Variants in TENM3 observed in about 807,000 individuals in gnomAD.
The protein encoded by TENM3 is teneurin-3.
A neutral mutation model predicts 255.1 loss-of-function variants in TENM3; 63 were observed. The observed-to-expected ratio is 0.25, with a 90% CI of 0.20 to 0.30. The LOEUF is 0.30. Among genes scored for constraint, TENM3 ranks in the 10% least tolerant of loss-of-function variants. The probability of loss-of-function intolerance (pLI) is 1.00; values close to 1 mark genes in which losing one functional copy is unlikely to be tolerated. For missense variants in TENM3, 2,929 were observed against 3,461.1 expected (o/e 0.85, Z 3.86); for synonymous variants, 1,306 against 1,322.3 (o/e 0.99, Z 0.27).
chr4:181,633,802 G>T, the TENM3 span, among the ~76,000 whole-genome samples: 2 of 152,164 alleles, frequency 1.3e-5, no homozygotes, highest in Non-Finnish European at 2.9e-5. Flanking sequence ...ACATAAATTT[G>T]GTTCAGCAGC....
the TENM3 span, among the ~76,000 whole-genome samples, chr4:181,896,229 CAATCTAAAAG>C: frequency 6.6e-6 from 1 of 152,142 alleles, no homozygotes; most frequent in East Asian, 1.9e-4. Flanking sequence ...CTTATTCCCC[CAATCTAAAAG>C]CTAGAGAATT....
intron 3 of TENM3, among the ~76,000 whole-genome samples, chr4:182,573,415 G>T (rs969861305): frequency 3.3e-5 from 5 of 152,112 alleles, no homozygotes; most frequent in African/African-American, 1.2e-4. Flanking sequence ...AAACATTAAA[G>T]TAAGCTTTTT....
intron 1 of TENM3, among the ~76,000 whole-genome samples, chr4:182,276,215 C>A (rs185930544): frequency 6.6e-6 from 1 of 152,322 alleles, no homozygotes; most frequent in East Asian, 1.9e-4. Context: ...GCAGACACAT[C>A]ATTTTCCACA....
At chr4:182,519,281 C>G (rs1738316459) in intron 3 of TENM3, among the ~76,000 whole-genome samples, 1 of 152,020 alleles carries the variant, frequency 6.6e-6, no homozygotes, top group Admixed American at 6.5e-5. Flanking sequence ...ATTTCACCTG[C>G]TTTTAAAAAC....
the TENM3 span, among the ~76,000 whole-genome samples, chr4:181,805,897 G>A: frequency 6.6e-6 from 1 of 151,946 alleles, no homozygotes; most frequent in Non-Finnish European, 1.5e-5. Flanking sequence ...CTCCATCTGT[G>A]GAAGAATAGC....
chr4:182,346,888 T>C lies in TENM3; in HGVS notation c.470T>C (p.Leu157Pro). 1 of 1,613,160 alleles carries C rather than the reference T, an allele frequency of 6.2e-7. No individual in the cohort carries two copies. Among genetic ancestry groups the C allele is most frequent in the Non-Finnish European group, 8.5e-7 (1 of 1,179,538 alleles). The change falls in exon 3 of 28, where the codon CTG (leucine) becomes CCG (proline). Residue 157 changes from leucine to proline, a missense_variant. Coordinates refer to ENST00000511685, the MANE Select transcript of TENM3 (RefSeq NM_001080477.4). Reference sequence around the variant, plus strand: ...AGTCGGTCCAACTCAGCCCTCACCCTGACAGATACGGAGCACGAAAACAAG... The same window carrying C: ...AGTCGGTCCAACTCAGCCCTCACCCCGACAGATACGGAGCACGAAAACAAG... ...LSSRSNSALT[L>P]TDTEHENKSD...
the TENM3 span, among the ~76,000 whole-genome samples, chr4:181,608,402 G>C: frequency 0.34 from 51,281 of 151,974 alleles, 9,872 homozygotes; most frequent in Non-Finnish European, 0.42. Flanking sequence ...GGGGTCCAAA[G>C]TTGCTTTTGT....
chr4:181,661,541 C>A, the TENM3 span, among the ~76,000 whole-genome samples: 1 of 152,030 alleles, frequency 6.6e-6, no homozygotes, highest in Admixed American at 6.6e-5. Flanking sequence ...AAGCTGTAAT[C>A]AAAAATGTGT....
At chr4:182,005,325 G>A in the TENM3 span, among the ~76,000 whole-genome samples, 1 of 152,052 alleles carries the variant, frequency 6.6e-6, no homozygotes, top group Non-Finnish European at 1.5e-5. Flanking sequence ...CTGAATGGGA[G>A]ATCCTTTCTC....
At chr4:181,828,311 A>G in the TENM3 span, among the ~76,000 whole-genome samples, 1 of 152,148 alleles carries the variant, frequency 6.6e-6, no homozygotes, top group Non-Finnish European at 1.5e-5. Flanking sequence ...AGGCTTCCAC[A>G]CCAAAAAGCC....
At chr4:181,922,237 T>C in the TENM3 span, among the ~76,000 whole-genome samples, 5 of 152,254 alleles carry the variant, frequency 3.3e-5, no homozygotes, top group Non-Finnish European at 7.3e-5. Context: ...ATCAGGATGA[T>C]GCTGGCCTCA....
chr4:181,836,756 C>T, the TENM3 span, among the ~76,000 whole-genome samples: 9 of 152,082 alleles, frequency 5.9e-5, no homozygotes, highest in African/African-American at 9.7e-5. Flanking sequence ...TTTGCACTTC[C>T]GTATGTATTT....
chr4:181,644,835 T>G, the TENM3 span, among the ~76,000 whole-genome samples: 2 of 152,022 alleles, frequency 1.3e-5, no homozygotes, highest in Non-Finnish European at 2.9e-5. Flanking sequence ...AGCCCTGGAA[T>G]GTAGCTAAAG....
intron 3 of TENM3, among the ~76,000 whole-genome samples, chr4:182,525,689 T>G (rs763656207): frequency 6.6e-6 from 1 of 152,224 alleles, no homozygotes; most frequent in Non-Finnish European, 1.5e-5. Flanking sequence ...CGAGTTCTAT[T>G]GTCCCCATGT....
intron 3 of TENM3, among the ~76,000 whole-genome samples, chr4:182,594,684 GT>G (rs1162813876): frequency 0.085 from 98 of 1,152 alleles, no homozygotes; most frequent in African/African-American, 0.19. Context: ...TTTTGTTTTG[GT>G]GTGTGTGTGT....
the TENM3 span, among the ~76,000 whole-genome samples, chr4:181,803,976 G>GGAAA: frequency 2.9e-4 from 41 of 142,122 alleles, no homozygotes; most frequent in African/African-American, 1.0e-3. Context: ...GAAAAAGAAA[G>GGAAA]GAAAGAAAGA....
chr4:182,359,143 G>A (rs1162634447), intron 3 of TENM3, among the ~76,000 whole-genome samples: 1 of 152,030 alleles, frequency 6.6e-6, no homozygotes, highest in Middle Eastern at 3.2e-3. Flanking sequence ...GAGGATTTTT[G>A]CATCAATGTT....
At chr4:181,639,505 C>T in the TENM3 span, among the ~76,000 whole-genome samples, 15 of 152,132 alleles carry the variant, frequency 9.9e-5, no homozygotes, top group East Asian at 3.9e-4. Context: ...TTTGGGAGGC[C>T]GAGGCGGGTG....
chr4:181,930,665 T>C, the TENM3 span, among the ~76,000 whole-genome samples: 71 of 152,296 alleles, frequency 4.7e-4, no homozygotes, highest in African/African-American at 1.7e-3. Context: ...TAACTCATTT[T>C]AGAGGCCAGC....
Sources: allele counts gnomAD v4.1 joint callset (sites outside exome capture counted in the v4.1 genomes callset), GRCh38; gene constraint gnomAD v4.1.1; transcripts MANE v1.5; gene names NCBI Gene and HGNC (gene_info 2026-07-23, HGNC 2026-07-21).